PLCL1: variants seen among roughly 807,000 people sequenced by gnomAD.
PLCL1 encodes phospholipase C like 1 (inactive), also known as inactive phospholipase C-like protein 1.
PLCL1 carries 41 observed loss-of-function variants against 84.4 expected under a neutral mutation model. The observed-to-expected ratio is 0.49, with a 90% confidence interval of 0.38 to 0.63. The LOEUF (loss-of-function observed/expected upper bound fraction) is 0.63, where lower values mean the gene tolerates loss of function less well. Among genes scored for constraint, PLCL1 ranks in the 30% least tolerant of loss-of-function variants. The pLI is 0.00. For synonymous variants in PLCL1, 490 were observed against 488.3 expected, an observed-to-expected ratio of 1.00 and a Z score of -0.05; for missense variants, 1,206 against 1,367.8, an observed-to-expected ratio of 0.88 and a Z score of 1.87.
chr2:198,005,713 T>A (rs533713959), intron 1 of PLCL1, among the ~76,000 whole-genome samples: 49 of 152,126 alleles, frequency 3.2e-4, no homozygotes, highest in Non-Finnish European at 5.0e-4. Flanking sequence ...ACTGGTTAAC[T>A]GGGCAGAGGC....
intron 1 of PLCL1, among the ~76,000 whole-genome samples, chr2:198,054,654 T>A (rs1692019371): frequency 6.6e-6 from 1 of 152,250 alleles, no homozygotes; most frequent in South Asian, 2.1e-4. Flanking sequence ...AGTGCAACAT[T>A]TGCAAGAGGA....
chr2:197,921,704 T>C (rs1688701556), intron 1 of PLCL1, among the ~76,000 whole-genome samples: 1 of 152,198 alleles, frequency 6.6e-6, no homozygotes, highest in East Asian at 1.9e-4. Flanking sequence ...ACACCGTCTC[T>C]CTCACCTGAC....
At chr2:197,989,173 TATTCATTCATTC>T (rs34913887) in intron 1 of PLCL1, among the ~76,000 whole-genome samples, 2 of 152,216 alleles carry the variant, frequency 1.3e-5, no homozygotes, top group Admixed American at 1.3e-4. Flanking sequence ...TTCTTATTAC[TATTCATTCATTC>T]ATTCATTCAG....
chr2:197,923,786 C>A (rs1020752216), intron 1 of PLCL1, among the ~76,000 whole-genome samples: 45 of 152,154 alleles, frequency 3.0e-4, no homozygotes, highest in African/African-American at 1.1e-3. Context: ...AATCTTGGCA[C>A]CCTGGGAGGC....
At chr2:198,096,612 A>T (rs2105908672) in intron 3 of PLCL1, among the ~76,000 whole-genome samples, 1 of 152,342 alleles carries the variant, frequency 6.6e-6, no homozygotes. Flanking sequence ...CTTCTGTGCT[A>T]CCTTATTTAA....
At chr2:198,125,421 C>A (rs1256429859) in intron 5 of PLCL1, among the ~76,000 whole-genome samples, 1 of 151,952 alleles carries the variant, frequency 6.6e-6, no homozygotes, top group African/African-American at 2.4e-5. Flanking sequence ...AAATAAACAA[C>A]ATGTGGTTTA....
intron 1 of PLCL1, among the ~76,000 whole-genome samples, chr2:197,806,384 G>C (rs1690480076): frequency 6.6e-6 from 1 of 152,152 alleles, no homozygotes; most frequent in Non-Finnish European, 1.5e-5. Flanking sequence ...ATATTCAAAA[G>C]CTCTGTTCAG....
intron 1 of PLCL1, among the ~76,000 whole-genome samples, chr2:198,023,287 A>G (rs1025409522): frequency 9.9e-5 from 15 of 152,244 alleles, no homozygotes; most frequent in African/African-American, 3.4e-4. Flanking sequence ...ACCTAGAACC[A>G]TAAAAACCCT....
intron 1 of PLCL1, among the ~76,000 whole-genome samples, chr2:198,050,690 T>C (rs780764182): frequency 6.6e-6 from 1 of 152,232 alleles, no homozygotes; most frequent in Non-Finnish European, 1.5e-5. Context: ...CATATATCAG[T>C]TGGCCAGTTT....
chr2:198,082,562 AATTT>A (rs1559097015), intron 1 of PLCL1, among the ~76,000 whole-genome samples: 1 of 152,116 alleles, frequency 6.6e-6, no homozygotes, highest in Non-Finnish European at 1.5e-5. Flanking sequence ...TCTTTTGGAA[AATTT>A]GTTCCTGGGG....
At chr2:197,870,542 A>T (rs964068603) in intron 1 of PLCL1, among the ~76,000 whole-genome samples, 1 of 152,028 alleles carries the variant, frequency 6.6e-6, no homozygotes, top group African/African-American at 2.4e-5. Flanking sequence ...CAGGCCTCCT[A>T]AGTATCATTA....
intron 1 of PLCL1, among the ~76,000 whole-genome samples, chr2:197,970,659 A>G (rs1689844799): frequency 6.6e-6 from 1 of 152,236 alleles, no homozygotes; most frequent in Non-Finnish European, 1.5e-5. Flanking sequence ...TTAAAAAGTT[A>G]CACATGGTTT....
intron 1 of PLCL1, among the ~76,000 whole-genome samples, chr2:197,864,517 G>A (rs1687492694): frequency 7.1e-6 from 1 of 139,968 alleles, no homozygotes; most frequent in East Asian, 2.1e-4. Flanking sequence ...ATCTCACTTT[G>A]TCACCTGGGC....
At chr2:198,063,542 A>G (rs939604897) in intron 1 of PLCL1, among the ~76,000 whole-genome samples, 2 of 152,220 alleles carry the variant, frequency 1.3e-5, no homozygotes, top group African/African-American at 4.8e-5. Flanking sequence ...CTGAATCATT[A>G]CTGTTGAGAT....
intron 1 of PLCL1, among the ~76,000 whole-genome samples, chr2:197,921,849 T>C (rs116116493): frequency 1.3e-3 from 201 of 152,324 alleles, no homozygotes; most frequent in Middle Eastern, 6.8e-3. Context: ...TCTCATAATA[T>C]AACAGTCATG....
At chr2:197,946,515 AT>A (rs5837574) in intron 1 of PLCL1, among the ~76,000 whole-genome samples, 14 of 151,680 alleles carry the variant, frequency 9.2e-5, no homozygotes, top group African/African-American at 2.9e-4. Context: ...ATTAAAAACA[AT>A]TTTTTTTATT....
intron 1 of PLCL1, among the ~76,000 whole-genome samples, chr2:197,824,027 G>C (rs1163129412): frequency 6.6e-6 from 1 of 152,078 alleles, no homozygotes; most frequent in Non-Finnish European, 1.5e-5. Flanking sequence ...TGATTTTTAA[G>C]TACTTACAGA....
At chr2:197,979,653 A>T (rs1690063453) in intron 1 of PLCL1, among the ~76,000 whole-genome samples, 1 of 152,166 alleles carries the variant, frequency 6.6e-6, no homozygotes, top group Non-Finnish European at 1.5e-5. Context: ...CTTTAGATTC[A>T]AATCCCAGTT....
intron 5 of PLCL1, among the ~76,000 whole-genome samples, chr2:198,140,973 T>A (rs914500352): frequency 1.3e-5 from 2 of 152,182 alleles, no homozygotes; most frequent in East Asian, 3.9e-4. Context: ...CAGGTGAGCA[T>A]GTCCAGTGTA....
Sources: gnomAD v4.1 joint callset for allele counts (sites outside exome capture counted in the v4.1 genomes callset) on GRCh38, gnomAD v4.1.1 for gene constraint, MANE v1.5 for transcripts, NCBI Gene and HGNC (gene_info 2026-07-23, HGNC 2026-07-21) for gene names.